CAMK2B: variants seen among roughly 807,000 people sequenced by gnomAD.
CAMK2B encodes calcium/calmodulin dependent protein kinase II beta.
In CAMK2B, 27 loss-of-function variants were observed where a neutral mutation model predicts 93.7. The ratio of observed to expected loss-of-function variants is 0.29; its 90% CI spans 0.21 to 0.40. The LOEUF (loss-of-function observed/expected upper bound fraction) is 0.40. CAMK2B is among the 10% of genes least tolerant of loss of function. CAMK2B has a pLI of 1.00. For missense variants in CAMK2B, 568 were observed against 895.8 expected (o/e 0.63, Z 4.67); for synonymous variants, 374 against 358.8 (o/e 1.04, Z -0.48).
intron 2 of CAMK2B, among the ~76,000 whole-genome samples, chr7:44,278,260 G>A (rs1398748055): frequency 1.3e-5 from 2 of 152,224 alleles, no homozygotes; most frequent in African/African-American, 2.4e-5. Flanking sequence ...GCAGCAGGAC[G>A]CAGAGGGTCT....
chr7:44,258,209 T>G (rs1362334858), intron 4 of CAMK2B, among the ~76,000 whole-genome samples: 1 of 152,140 alleles, frequency 6.6e-6, no homozygotes, highest in East Asian at 1.9e-4. Context: ...CATGAAACAC[T>G]CACACATGCA....
intron 19 of CAMK2B, among the ~76,000 whole-genome samples, chr7:44,227,119 GGGAGTGTGGAGGAC>G (rs2096495063): frequency 2.4e-4 from 1 of 4,214 alleles, no homozygotes; most frequent in Admixed American, 1.7e-3. Flanking sequence ...GGGGGACAGA[GGGAGTGTGGAGGAC>G]AGAGGGGGAT....
chr7:44,224,514 C>A lies in CAMK2B; in HGVS notation c.1597+2002G>T, dbSNP rs1000642476. ...GAGCCAAGAGCCTCTGCAAGTCAGGCCTTCCAGGTGCCCTGACATGAACAG... is the reference window on the plus strand; with the variant it reads ...GAGCCAAGAGCCTCTGCAAGTCAGGACTTCCAGGTGCCCTGACATGAACAG... On this transcript the variant is annotated intron_variant, in intron 20 of 23. Coordinates refer to ENST00000395749, the MANE Select transcript of CAMK2B (RefSeq NM_001220.5). The surrounding 1 kb of genome is among the most constrained non-coding windows in gnomAD (Gnocchi z 4.4). Among the ~76,000 whole-genome samples the A allele has an allele frequency of 6.6e-6, 1 of 152,200 alleles. No homozygotes were observed. The highest frequency in any genetic ancestry group is 1.5e-5 in the Non-Finnish European group (1 of 68,040).
At chr7:44,294,566 T>C (rs1183808306) in intron 1 of CAMK2B, among the ~76,000 whole-genome samples, 1 of 152,152 alleles carries the variant, frequency 6.6e-6, no homozygotes, top group African/African-American at 2.4e-5. Context: ...GAGATCTCTA[T>C]TTGTGATTTA....
chr7:44,298,061 T>C (rs972172871), intron 1 of CAMK2B, among the ~76,000 whole-genome samples: 2 of 152,024 alleles, frequency 1.3e-5, no homozygotes, highest in Non-Finnish European at 2.9e-5. Context: ...AAGGTGGAGG[T>C]TGCAGTGAGC....
chr7:44,319,853 A>G (rs951645214), intron 1 of CAMK2B, among the ~76,000 whole-genome samples: 1 of 152,240 alleles, frequency 6.6e-6, no homozygotes, highest in African/African-American at 2.4e-5. Context: ...GGGGGTCGTC[A>G]TGAAAGTGTT....
intron 19 of CAMK2B, 95 bp downstream of exon 19, chr7:44,228,701 T>C (rs1369082402): frequency 3.3e-6 from 4 of 1,207,662 alleles, no homozygotes; most frequent in South Asian, 1.9e-5. Flanking sequence ...GCAGGGTAGC[T>C]GGGCCGTGCA....
At chr7:44,229,026 T>C (rs751569852) in intron 18 of CAMK2B, 102 bp from the exon 19 acceptor site, 7 of 1,133,032 alleles carry the variant, frequency 6.2e-6, no homozygotes, top group East Asian at 2.4e-5. Flanking sequence ...TCTAGACCCC[T>C]TGGGCCCTGG....
intron 3 of CAMK2B, among the ~76,000 whole-genome samples, chr7:44,260,931 G>A (rs866888423): frequency 2.0e-5 from 3 of 152,172 alleles, no homozygotes; most frequent in East Asian, 1.9e-4. Flanking sequence ...CTTACCCACC[G>A]GGGCTGTCTG....
At chr7:44,247,217 G>C in intron 5 of CAMK2B, 25 bp from the exon 6 acceptor site, 1 of 1,608,374 alleles carries the variant, frequency 6.2e-7, no homozygotes. Flanking sequence ...AGGTGGGTTA[G>C]TGCGAGTGGC....
chr7:44,251,027 G>A (rs1451220152), intron 5 of CAMK2B, among the ~76,000 whole-genome samples: 2 of 152,168 alleles, frequency 1.3e-5, no homozygotes, highest in African/African-American at 4.8e-5. Context: ...GTTTCTTCTT[G>A]TTCCTTAGAT....
intron 2 of CAMK2B, among the ~76,000 whole-genome samples, chr7:44,279,082 T>C (rs957121298): frequency 6.7e-6 from 1 of 149,496 alleles, no homozygotes; most frequent in African/African-American, 2.6e-5. Context: ...AAACACAGGC[T>C]GCATATGAGA....
chr7:44,256,281 G>A (rs1356908788), intron 4 of CAMK2B, among the ~76,000 whole-genome samples: 1 of 152,234 alleles, frequency 6.6e-6, no homozygotes, highest in African/African-American at 2.4e-5. Context: ...GTGTGTGCAC[G>A]TGTTCACATG....
intron 1 of CAMK2B, among the ~76,000 whole-genome samples, chr7:44,295,403 A>G (rs1225056415): frequency 6.6e-6 from 1 of 152,260 alleles, no homozygotes; most frequent in African/African-American, 2.4e-5. Flanking sequence ...AGAGAGAATT[A>G]CAACTTGCCA....
chr7:44,267,485 T>A (rs2096930782), intron 2 of CAMK2B, among the ~76,000 whole-genome samples: 1 of 152,142 alleles, frequency 6.6e-6, no homozygotes, highest in Non-Finnish European at 1.5e-5. Context: ...TTCAACCAGC[T>A]CCTAAATGCT....
chr7:44,323,012 C>T (rs866821561), intron 1 of CAMK2B, among the ~76,000 whole-genome samples: 3 of 152,228 alleles, frequency 2.0e-5, no homozygotes, highest in African/African-American at 7.2e-5. Context: ...TGCAAATGGG[C>T]TGAGTGCCCA....
intron 22 of CAMK2B, 139 bp from the exon 23 acceptor site, chr7:44,220,433 C>T (rs1345619845): frequency 1.2e-5 from 10 of 868,164 alleles, no homozygotes; most frequent in South Asian, 1.7e-5. Flanking sequence ...GCAGCATGGG[C>T]CCCTCCAAGA....
In CAMK2B at chr7:44,222,914, C is replaced by T. The variant is rs1014778246; in HGVS notation, c.1598-2013G>A. On this transcript the variant is annotated intron_variant, in intron 20 of 23. Coordinates refer to ENST00000395749, the MANE Select transcript of CAMK2B (RefSeq NM_001220.5). The stretch of plus-strand genomic sequence containing the variant: ...ATGTGTGTGGGGCACTGCCTGGGAA[C>T]GCCTGTGCTGCACCTGTCTGCTCTG... Among the ~76,000 whole-genome samples, 7 of 152,322 alleles carry T rather than the reference C, an allele frequency of 4.6e-5. No individual in the cohort carries two copies. In the East Asian group the frequency reaches 5.8e-4, roughly 13 times the overall value.
chr7:44,303,069 G>A (rs1033288324), intron 1 of CAMK2B, among the ~76,000 whole-genome samples: 4 of 152,102 alleles, frequency 2.6e-5, no homozygotes, highest in African/African-American at 9.7e-5. Flanking sequence ...CAGGATACCA[G>A]GTTAATATAT....
Sources: gnomAD v4.1 joint callset for allele counts (sites outside exome capture counted in the v4.1 genomes callset) on GRCh38, gnomAD v4.1.1 for gene constraint, Gnocchi (gnomAD v3.1) non-coding constraint, MANE v1.5 for transcripts, NCBI Gene and HGNC (gene_info 2026-07-23, HGNC 2026-07-21) for gene names.